Variants in ARGLU1 observed in about 807,000 individuals in gnomAD.
The protein encoded by ARGLU1 is arginine and glutamate rich 1, also known as arginine and glutamate-rich protein 1.
Under a neutral mutation model 37.6 loss-of-function variants are expected in ARGLU1, and 9 were observed. The ratio of observed to expected loss-of-function variants is 0.24; its 90% confidence interval spans 0.14 to 0.42. The LOEUF is 0.42. Ranked by LOEUF, ARGLU1 falls within the 10% of genes least tolerant of loss-of-function variation. ARGLU1 has a pLI of 1.00. For synonymous variants in ARGLU1, 166 were observed against 138.5 expected, an observed-to-expected ratio of 1.20 and a Z score of -1.39; for missense variants, 211 against 359.2, an observed-to-expected ratio of 0.59 and a Z score of 3.34.
rs1192018062 is a variant in ARGLU1, at chr13:106,543,830, A to G, written c.*166T>C. The G allele has an allele frequency of 1.5e-5, 8 of 529,334 alleles. No homozygotes were observed. The highest frequency in any genetic ancestry group is 1.5e-4 in the South Asian group (5 of 34,426). 32.8% of individuals were successfully genotyped at this position (529,334 alleles called of 1,614,324 possible). On this transcript the variant is annotated 3_prime_UTR_variant, in exon 4 of 4. Coordinates refer to ENST00000400198, the MANE Select transcript of ARGLU1 (RefSeq NM_018011.4). ...AGGATTTGACTTAGTGGAAGGAAAAAAAAAAAAAAAAAGGGAATTGCAGAG... is the reference window on the plus strand; with the variant it reads ...AGGATTTGACTTAGTGGAAGGAAAAGAAAAAAAAAAAAGGGAATTGCAGAG...
intron 3 of ARGLU1, among the ~76,000 whole-genome samples, chr13:106,552,751 A>G (rs1880561775): frequency 6.6e-6 from 1 of 152,244 alleles, no homozygotes; most frequent in Non-Finnish European, 1.5e-5. Flanking sequence ...CAAATACCTA[A>G]AGATAGTTAT....
In ARGLU1 at chr13:106,557,551, A is replaced by G. The variant is rs756137209; in HGVS notation, c.574-420T>C. ...TCCTTTAATCAGCATTAAAAGTTGA[A>G]TATTTACTGTCTTGTCCAGTGTCCT... On this transcript the variant is annotated intron_variant, in intron 2 of 3. Coordinates refer to ENST00000400198, the MANE Select transcript of ARGLU1 (RefSeq NM_018011.4). This position sits in a 1 kb window ranked among gnomAD's most constrained non-coding sequence, Gnocchi z 5.0. 7 of 1,599,450 alleles carry G rather than the reference A, an allele frequency of 4.4e-6. No individual in the cohort carries two copies. Among genetic ancestry groups the G allele is most frequent in the Non-Finnish European group, 6.0e-6 (7 of 1,172,866 alleles).
At position 106,567,408 on chromosome 13, in the gene ARGLU1, C is replaced by A. The variant is rs1004364118; in HGVS notation, c.347+165G>T. Among the ~76,000 whole-genome samples the A allele has an allele frequency of 2.0e-5, 3 of 152,014 alleles. No individual in the cohort carries two copies. Among genetic ancestry groups the A allele is most frequent in the African/African-American group, 4.8e-5 (2 of 41,422 alleles). On this transcript the variant is annotated intron_variant, in intron 1 of 3. Transcript: ENST00000400198. This position sits in a 1 kb window ranked among gnomAD's most constrained non-coding sequence, Gnocchi z 4.3. The stretch of plus-strand genomic sequence containing the variant: ...CACCCCAAGCTTTCCAAACGCCAAG[C>A]CTGCCCGCCCCGCCGCCGCCTCTCC...
chr13:106,543,674 G>T lies in ARGLU1; in HGVS notation c.*322C>A, dbSNP rs148336694. 82 of 188,146 alleles carry T rather than the reference G, an allele frequency of 4.4e-4. No individual in the cohort carries two copies. The highest frequency in any genetic ancestry group is 1.9e-3 in the African/African-American group (80 of 42,802). 11.7% of individuals were successfully genotyped at this position (188,146 alleles called of 1,614,324 possible). Reference sequence around the variant, plus strand: ...CAAACAGAGTATAACTCTGAAGTCAGTGGGGTCAGTAAAAGCCTTATCAGA... The same window carrying T: ...CAAACAGAGTATAACTCTGAAGTCATTGGGGTCAGTAAAAGCCTTATCAGA... On this transcript the variant is annotated 3_prime_UTR_variant, in exon 4 of 4. Coordinates refer to ENST00000400198, the MANE Select transcript of ARGLU1 (RefSeq NM_018011.4).
Position 106,542,414 on chromosome 13 carries a change from T to G in ARGLU1, c.*1582A>C, listed in dbSNP as rs1257205652. Reference sequence around the variant, plus strand: ...ATAAAATGTTTGATTTTAGAGTAAGTAGTATGTTTACTAAAAGTTCTCACT... The same window carrying G: ...ATAAAATGTTTGATTTTAGAGTAAGGAGTATGTTTACTAAAAGTTCTCACT... On this transcript the variant is annotated 3_prime_UTR_variant, in exon 4 of 4. Coordinates refer to ENST00000400198, the MANE Select transcript of ARGLU1 (RefSeq NM_018011.4). The G allele has an allele frequency of 6.6e-6, 1 of 152,096 alleles. No homozygotes were observed. The highest frequency in any genetic ancestry group is 6.5e-5 in the Admixed American group (1 of 15,272). The allele number at this position is 152,096 out of a possible 1,614,324, so 9.4% of individuals were successfully genotyped here.
intron 3 of ARGLU1, 90 bp from the exon 4 acceptor site, chr13:106,544,250 CA>C (rs544618903): frequency 2.5e-6 from 3 of 1,193,160 alleles, no homozygotes; most frequent in Non-Finnish European, 3.3e-6. Flanking sequence ...TATGTATCTA[CA>C]AAAAAATTTT....
At chr13:106,564,955 T>C (rs567887094) in intron 1 of ARGLU1, among the ~76,000 whole-genome samples, 2 of 152,220 alleles carry the variant, frequency 1.3e-5, no homozygotes, top group Non-Finnish European at 1.5e-5. Context: ...AGAACCAACA[T>C]TCTTTTTCTG....
chr13:106,560,766 A>G (rs1437444208), intron 1 of ARGLU1, among the ~76,000 whole-genome samples: 1 of 152,240 alleles, frequency 6.6e-6, no homozygotes, highest in Non-Finnish European at 1.5e-5. Flanking sequence ...TCATGTTCCA[A>G]CTTTCTCAAA....
In ARGLU1 at chr13:106,547,615, G is replaced by GA. The variant is rs542394879; in HGVS notation, c.658-3456dup. Among the ~76,000 whole-genome samples the GA allele has an allele frequency of 6.2e-4, 94 of 152,254 alleles. No homozygotes were observed. In the South Asian group the frequency reaches 9.7e-3, roughly 16 times the overall value. The stretch of plus-strand genomic sequence containing the variant: ...AAGTTACACTGTTAAATGAAAAAAA[G>GA]AAAGTTCCTTGTGTACATGCTACTT... On this transcript the variant is annotated intron_variant, in intron 3 of 3. Coordinates refer to ENST00000400198, the MANE Select transcript of ARGLU1 (RefSeq NM_018011.4).
In ARGLU1 at chr13:106,542,129, TAAAA is replaced by T. The variant is rs922901740; in HGVS notation, c.*1863_*1866del. On this transcript the variant is annotated 3_prime_UTR_variant, in exon 4 of 4. Coordinates refer to ENST00000400198, the MANE Select transcript of ARGLU1 (RefSeq NM_018011.4). ...ACACCATATGTGGCAGTAAGAAACTTAAAAAAAAAATTAAAAGGCACGCATAAGC... is the reference window on the plus strand; with the variant it reads ...ACACCATATGTGGCAGTAAGAAACTTAAAAAATTAAAAGGCACGCATAAGC... The T allele has an allele frequency of 6.7e-6, 1 of 150,266 alleles. No individual in the cohort carries two copies. Among genetic ancestry groups the T allele is most frequent in the African/African-American group, 2.4e-5 (1 of 41,000 alleles). The allele number at this position is 150,266 out of a possible 1,614,324, so 9.3% of individuals were successfully genotyped here. A position where few individuals can be genotyped will look rare whatever the true frequency, so the allele number is the denominator to read the frequency against.
intron 3 of ARGLU1, among the ~76,000 whole-genome samples, chr13:106,556,260 G>A (rs1487618886): frequency 6.6e-6 from 1 of 152,132 alleles, no homozygotes; most frequent in Non-Finnish European, 1.5e-5. Flanking sequence ...CAAATACCAG[G>A]TGATATTTAC....
chr13:106,560,199 G>A (rs980594133), intron 1 of ARGLU1, among the ~76,000 whole-genome samples: 2 of 152,148 alleles, frequency 1.3e-5, no homozygotes, highest in Non-Finnish European at 2.9e-5. Flanking sequence ...CTTAAGTTTT[G>A]AACTGAAGTT....
rs963734034 is a variant in ARGLU1 at position 106,557,361 on chromosome 13, T to C, written c.574-230A>G. The C allele has an allele frequency of 1.7e-5, 10 of 603,206 alleles. No individual in the cohort carries two copies. Among genetic ancestry groups the C allele is most frequent in the Admixed American group, 3.7e-5 (1 of 27,356 alleles). The allele number at this position is 603,206 out of a possible 1,614,324, so 37.4% of individuals were successfully genotyped here. ...CAACCAACTAAACCCTCCCTAATGA[T>C]AGTTTCCTGGCAATTATTACTAATA... On this transcript the variant is annotated intron_variant, in intron 2 of 3. Transcript: ENST00000400198. The surrounding 1 kb of genome is among the most constrained non-coding windows in gnomAD (Gnocchi z 5.0).
At chr13:106,558,770 G>C in intron 2 of ARGLU1, 2 of 985,280 alleles carry the variant, frequency 2.0e-6, no homozygotes, top group Non-Finnish European at 2.4e-6. Flanking sequence ...AGAAAAAAAG[G>C]AGTTGTTAGT....
At chr13:106,548,596 AT>A in intron 3 of ARGLU1, among the ~76,000 whole-genome samples, 1 of 152,126 alleles carries the variant, frequency 6.6e-6, no homozygotes, top group African/African-American at 2.4e-5. Context: ...CCTAGCCATT[AT>A]GCCCATAACC....
In ARGLU1 at chr13:106,543,106, G is replaced by A. The variant is rs1002742115; in HGVS notation, c.*890C>T. ...CTGGATGTTGTTAGTCTTTCTTAAA[G>A]GTAACACTGATGCCATTTGCTCTAT... On this transcript the variant is annotated 3_prime_UTR_variant, in exon 4 of 4. Coordinates refer to ENST00000400198, the MANE Select transcript of ARGLU1 (RefSeq NM_018011.4). 1 of 151,998 alleles carries A rather than the reference G, an allele frequency of 6.6e-6. No individual in the cohort carries two copies. Among genetic ancestry groups the A allele is most frequent in the Non-Finnish European group, 1.5e-5 (1 of 67,924 alleles). The allele number at this position is 151,998 out of a possible 1,614,324, so 9.4% of individuals were successfully genotyped here.
At position 106,542,443 on chromosome 13, in the gene ARGLU1, T is replaced by C. The variant is rs1880285486; in HGVS notation, c.*1553A>G. ...ATGTTTACTAAAAGTTCTCACTATA[T>C]TTCATGCCTATTTAAAATTCTACCT... On this transcript the variant is annotated 3_prime_UTR_variant, in exon 4 of 4. Transcript: ENST00000400198. 6.6e-6 allele frequency: 1 copy of C among 152,132 alleles called. No homozygotes were observed. Among genetic ancestry groups the C allele is most frequent in the Non-Finnish European group, 1.5e-5 (1 of 67,976 alleles). The allele number at this position is 152,132 out of a possible 1,614,324, so 9.4% of individuals were successfully genotyped here.
At position 106,543,748 on chromosome 13, in the gene ARGLU1, T is replaced by C. The variant is rs1464179767; in HGVS notation, c.*248A>G. On this transcript the variant is annotated 3_prime_UTR_variant, in exon 4 of 4. Transcript: ENST00000400198. ...TCTGCTCTTCCTCAGACCACTAATATAGAATCCAAACAGGTGAAAAATACG... is the reference window on the plus strand; with the variant it reads ...TCTGCTCTTCCTCAGACCACTAATACAGAATCCAAACAGGTGAAAAATACG... 3.5e-5 allele frequency: 13 copies of C among 372,148 alleles called. No individual in the cohort carries two copies. In the East Asian group the frequency reaches 6.9e-4, roughly 20 times the overall value. The allele number at this position is 372,148 out of a possible 1,614,324, so 23.1% of individuals were successfully genotyped here.
At chr13:106,545,861 G>A (rs1401479120) in intron 3 of ARGLU1, among the ~76,000 whole-genome samples, 1 of 152,162 alleles carries the variant, frequency 6.6e-6, no homozygotes, top group Non-Finnish European at 1.5e-5. Flanking sequence ...GAGCTAAAAT[G>A]TATCTTTAAG....
Sources: gnomAD v4.1 joint callset for allele counts (sites outside exome capture counted in the v4.1 genomes callset) on GRCh38, gnomAD v4.1.1 for gene constraint, Gnocchi (gnomAD v3.1) non-coding constraint, MANE v1.5 for transcripts, NCBI Gene and HGNC (gene_info 2026-07-23, HGNC 2026-07-21) for gene names.